The following CNTN5 variants were observed in gnomAD, a reference collection of about 807,000 sequenced individuals.
The protein encoded by CNTN5 is contactin 5, also known as contactin-5.
Under a neutral mutation model 129.1 loss-of-function variants are expected in CNTN5, and 77 were observed. That is an observed-to-expected ratio of 0.60 (90% CI 0.50 to 0.72). The LOEUF (loss-of-function observed/expected upper bound fraction) is 0.72. Among genes scored for constraint, CNTN5 ranks in the 30% least tolerant of loss-of-function variants. The pLI, the probability that CNTN5 is intolerant of heterozygous loss-of-function variation, is 0.00. For missense variants in CNTN5, 1,478 were observed against 1,328.8 expected, an observed-to-expected ratio of 1.11 and a Z score of -1.75; for synonymous variants, 509 against 465.6, an observed-to-expected ratio of 1.09 and a Z score of -1.20.
At chr11:99,378,989 T>C (rs762490422) in intron 2 of CNTN5, among the ~76,000 whole-genome samples, 1 of 152,016 alleles carries the variant, frequency 6.6e-6, no homozygotes. Flanking sequence ...CTTTTTTTAG[T>C]CTTCTGCACA....
chr11:99,410,786 G>A (rs1272668564), intron 2 of CNTN5, among the ~76,000 whole-genome samples: 2 of 152,152 alleles, frequency 1.3e-5, no homozygotes, highest in Non-Finnish European at 2.9e-5. Flanking sequence ...TTTTGGAAAT[G>A]TACCCCCTCT....
intron 21 of CNTN5, among the ~76,000 whole-genome samples, chr11:100,329,380 G>A (rs1253994913): frequency 6.6e-6 from 1 of 152,150 alleles, no homozygotes; most frequent in Non-Finnish European, 1.5e-5. Context: ...TTAATTTCTT[G>A]AAAACTCTAA....
intron 3 of CNTN5, among the ~76,000 whole-genome samples, chr11:99,695,527 A>T (rs1364919746): frequency 1.3e-5 from 2 of 152,090 alleles, no homozygotes; most frequent in Non-Finnish European, 2.9e-5. Context: ...AGGAATGAGT[A>T]TAAAATATTT....
At chr11:100,254,278 C>G (rs189649861) in intron 16 of CNTN5, among the ~76,000 whole-genome samples, 1 of 152,070 alleles carries the variant, frequency 6.6e-6, no homozygotes, top group Non-Finnish European at 1.5e-5. Flanking sequence ...GTTATATCCT[C>G]CAGCCCCCAA....
chr11:99,178,156 A>AAAACAAAC lies in CNTN5; in HGVS notation c.-209-147170_-209-147163dup, dbSNP rs144153541. The stretch of plus-strand genomic sequence containing the variant: ...AATGGTATAGACTCAACTAGCAACT[A>AAAACAAAC]AAACAAACAAACAAACAAACAAACA... On this transcript the variant is annotated intron_variant, in intron 1 of 24. Coordinates refer to ENST00000524871, the MANE Select transcript of CNTN5 (RefSeq NM_014361.4). 4.2e-3 allele frequency among the ~76,000 whole-genome samples: 636 copies of AAAACAAAC among 151,824 alleles called. 5 individuals carry two copies. The highest frequency in any genetic ancestry group is 0.015 in the African/African-American group (614 of 41,462).
At chr11:99,580,644 GTAGT>G (rs920455939) in intron 3 of CNTN5, among the ~76,000 whole-genome samples, 2 of 152,066 alleles carry the variant, frequency 1.3e-5, no homozygotes, top group Admixed American at 1.3e-4. Flanking sequence ...TTCTCTGATG[GTAGT>G]TTGTAGTTCT....
intron 1 of CNTN5, among the ~76,000 whole-genome samples, chr11:99,178,727 T>C (rs1051653996): frequency 6.6e-6 from 1 of 152,170 alleles, no homozygotes; most frequent in Admixed American, 6.5e-5. Flanking sequence ...ATTTACCTTT[T>C]TGTGACTAAT....
chr11:99,237,892 G>C (rs527645921), intron 1 of CNTN5, among the ~76,000 whole-genome samples: 1 of 151,974 alleles, frequency 6.6e-6, no homozygotes, highest in Non-Finnish European at 1.5e-5. Flanking sequence ...CAAACCAAAG[G>C]CCAGGAAAAA....
intron 2 of CNTN5, among the ~76,000 whole-genome samples, chr11:99,359,774 G>A (rs543106932): frequency 2.5e-4 from 38 of 152,054 alleles, no homozygotes; most frequent in Admixed American, 1.3e-3. Context: ...CTCTGAAATC[G>A]AGCAAGTTAC....
intron 2 of CNTN5, among the ~76,000 whole-genome samples, chr11:99,547,347 G>A (rs1166438151): frequency 6.6e-6 from 1 of 152,140 alleles, no homozygotes; most frequent in Non-Finnish European, 1.5e-5. Flanking sequence ...TTGAAGTGGA[G>A]CAGTGGAAGG....
intron 3 of CNTN5, among the ~76,000 whole-genome samples, chr11:99,608,129 G>T (rs945298305): frequency 9.9e-5 from 15 of 151,442 alleles, no homozygotes; most frequent in African/African-American, 3.6e-4. Context: ...CAGTGTTTGT[G>T]AACTCAAAAC....
At chr11:99,255,034 TC>T (rs1298291609) in intron 1 of CNTN5, among the ~76,000 whole-genome samples, 1 of 151,880 alleles carries the variant, frequency 6.6e-6, no homozygotes, top group African/African-American at 2.4e-5. Context: ...AAGATACTTA[TC>T]CAACAAGAAC....
chr11:100,182,933 A>C (rs1015004805), intron 13 of CNTN5, among the ~76,000 whole-genome samples: 50 of 151,796 alleles, frequency 3.3e-4, no homozygotes, highest in African/African-American at 1.1e-3. Flanking sequence ...CTTGAAATCT[A>C]ATGAATAAAT....
chr11:99,843,070 A>C (rs1947566385), intron 4 of CNTN5, among the ~76,000 whole-genome samples: 1 of 152,178 alleles, frequency 6.6e-6, no homozygotes. Context: ...GTCTCTACTA[A>C]AAATACAAAA....
intron 3 of CNTN5, among the ~76,000 whole-genome samples, chr11:99,796,308 C>T (rs1012368927): frequency 6.6e-6 from 1 of 152,018 alleles, no homozygotes; most frequent in Non-Finnish European, 1.5e-5. Flanking sequence ...AGCCGGCACT[C>T]ATAGCGTGGT....
chr11:99,551,236 G>C (rs753381979), intron 2 of CNTN5, among the ~76,000 whole-genome samples: 6 of 152,048 alleles, frequency 3.9e-5, no homozygotes, highest in Non-Finnish European at 5.9e-5. Context: ...ATAATAATTG[G>C]CATATATATT....
chr11:99,182,450 G>T (rs1858125273), intron 1 of CNTN5, among the ~76,000 whole-genome samples: 2 of 136,158 alleles, frequency 1.5e-5, no homozygotes, highest in South Asian at 2.5e-4. Context: ...TTTATACACA[G>T]GCATTTTTTT....
At chr11:100,100,856 T>C (rs1591244514) in intron 13 of CNTN5, among the ~76,000 whole-genome samples, 1 of 152,116 alleles carries the variant, frequency 6.6e-6, no homozygotes, top group East Asian at 1.9e-4. Flanking sequence ...TTGCCCCACC[T>C]AAACTTGCAA....
At chr11:99,892,567 A>G (rs1398003244) in intron 6 of CNTN5, among the ~76,000 whole-genome samples, 2 of 152,000 alleles carry the variant, frequency 1.3e-5, no homozygotes, top group Non-Finnish European at 2.9e-5. Context: ...TTCCCAACAC[A>G]TTTTTTAAAA....
Sources: allele counts gnomAD v4.1 joint callset (sites outside exome capture counted in the v4.1 genomes callset), GRCh38; gene constraint gnomAD v4.1.1; transcripts MANE v1.5; gene names NCBI Gene and HGNC (gene_info 2026-07-23, HGNC 2026-07-21).